ALDH7A1: variants seen among roughly 807,000 people sequenced by gnomAD.
The protein encoded by ALDH7A1 is aldehyde dehydrogenase 7 family member A1, also known as alpha-aminoadipic semialdehyde dehydrogenase.
A neutral mutation model predicts 79.9 loss-of-function variants in ALDH7A1; 63 were observed. The ratio of observed to expected loss-of-function variants is 0.79; its 90% CI spans 0.64 to 0.97. The LOEUF (loss-of-function observed/expected upper bound fraction) is 0.97. Among genes scored for constraint, ALDH7A1 ranks in the 50% least tolerant of loss-of-function variants. The probability of loss-of-function intolerance (pLI) is 0.00; values close to 1 mark genes in which losing one functional copy is unlikely to be tolerated. For missense variants in ALDH7A1, 627 were observed against 665.2 expected (o/e 0.94, Z 0.63); for synonymous variants, 240 against 231.2 (o/e 1.04, Z -0.34).
chr5:126,546,452 C>T (rs1581352348), intron 16 of ALDH7A1, 53 bp from the exon 17 acceptor site: 2 of 1,528,900 alleles, frequency 1.3e-6, no homozygotes, highest in Non-Finnish European at 1.8e-6. Flanking sequence ...CATGTGGGCT[C>T]ATAGTTGGTA....
chr5:126,565,190 T>G (rs755397491), intron 9 of ALDH7A1, among the ~76,000 whole-genome samples: 34 of 151,952 alleles, frequency 2.2e-4, no homozygotes, highest in African/African-American at 6.3e-4. Context: ...GTCTGGAGTT[T>G]GAGACCAGCC....
intron 3 of ALDH7A1, chr5:126,587,893 C>A (rs1484164939): frequency 6.6e-6 from 1 of 152,182 alleles, no homozygotes; most frequent in Non-Finnish European, 1.5e-5. Flanking sequence ...CTTCCCTAAA[C>A]CTTGAACTCA....
Position 126,592,654 on chromosome 5 carries a change from C to T in ALDH7A1, c.312+10G>A. 1 of 1,612,674 alleles carries T rather than the reference C, an allele frequency of 6.2e-7. No homozygotes were observed. The highest frequency in any genetic ancestry group is 8.5e-7 in the Non-Finnish European group (1 of 1,178,760). On this transcript the variant is annotated intron_variant, in intron 3 of 17. Transcript: ENST00000409134. ...CTTTTCTGAATTCTAGAAACAAAGG[C>T]CATACTTACATCTGCCCAGATTTTC...
chr5:126,583,534 C>T (rs1176710729), intron 4 of ALDH7A1, among the ~76,000 whole-genome samples: 2 of 149,088 alleles, frequency 1.3e-5, no homozygotes, highest in East Asian at 4.0e-4. Context: ...ATATAAATTA[C>T]TTTTCTTAAA....
chr5:126,549,579 T>C (rs1350675441), intron 16 of ALDH7A1: 10 of 237,518 alleles, frequency 4.2e-5, no homozygotes, highest in Non-Finnish European at 8.2e-5. Flanking sequence ...ACTTTGCAAA[T>C]AAAAACCAGA....
intron 5 of ALDH7A1, among the ~76,000 whole-genome samples, chr5:126,578,020 C>T (rs1054100095): frequency 1.3e-5 from 2 of 150,460 alleles, no homozygotes; most frequent in East Asian, 2.0e-4. Context: ...CGTGGTGGCT[C>T]ACTCCTGTAA....
In ALDH7A1 at chr5:126,552,100, A is replaced by T; in HGVS notation, c.1238T>A (p.Ile413Asn). ...CGCATCGTGGCCAAGACCTGTCACAATTGTCGGTTCTACATAATTTCCAGG... is the reference window on the plus strand; with the variant it reads ...CGCATCGTGGCCAAGACCTGTCACATTTGTCGGTTCTACATAATTTCCAGG... The part of the protein sequence containing the change: ...DRPGNYVEPT[I>N]VTGLGHDASI... Residue 413 changes from isoleucine (I) to asparagine (N), a missense_variant, in exon 14 of 18, where the codon ATT becomes AAT. Transcript: ENST00000409134. The T allele has an allele frequency of 6.2e-7, 1 of 1,614,102 alleles. No homozygotes were observed. The highest frequency in any genetic ancestry group is 8.5e-7 in the Non-Finnish European group (1 of 1,179,996).
intron 16 of ALDH7A1, among the ~76,000 whole-genome samples, chr5:126,547,122 C>T (rs1054420174): frequency 5.3e-5 from 8 of 152,186 alleles, no homozygotes; most frequent in African/African-American, 7.2e-5. Flanking sequence ...GGAACAGAGT[C>T]GCAGAGGCTC....
chr5:126,553,339 A>G (rs936324527), intron 13 of ALDH7A1: 3 of 152,242 alleles, frequency 2.0e-5, no homozygotes, highest in East Asian at 1.9e-4. Context: ...ATCATTGTGC[A>G]TAAGCCATGC....
At chr5:126,590,155 G>A (rs575557227) in intron 3 of ALDH7A1, among the ~76,000 whole-genome samples, 189 of 147,262 alleles carry the variant, frequency 1.3e-3, no homozygotes, top group African/African-American at 3.8e-3. Flanking sequence ...CTGCCCGGCC[G>A]CCACCCTGTC....
At chr5:126,584,107 A>C in intron 3 of ALDH7A1, 95 bp from the exon 4 acceptor site, 4 of 1,076,152 alleles carry the variant, frequency 3.7e-6, no homozygotes, top group Non-Finnish European at 5.7e-6. Context: ...ACAAATTACA[A>C]TCATATCAAA....
chr5:126,561,257 T>A, intron 9 of ALDH7A1, 133 bp from the exon 10 acceptor site: 1 of 663,704 alleles, frequency 1.5e-6, no homozygotes, highest in Non-Finnish European at 2.5e-6. Context: ...ATCCCAATCA[T>A]ATAGCCTATC....
rs766287925 is a variant in ALDH7A1 at position 126,582,989 on chromosome 5, C to T, written c.394-15G>A. On this transcript the variant is annotated splice_polypyrimidine_tract_variant and intron_variant, in intron 4 of 17. Coordinates refer to ENST00000409134, the MANE Select transcript of ALDH7A1 (RefSeq NM_001182.5). ...TCCAAAGACACCTAGAAATATAAAA[C>T]GACAAGCAGAATTTTTCCAACAGAA... The T allele has an allele frequency of 1.1e-5, 18 of 1,613,768 alleles. No individual in the cohort carries two copies. The highest frequency in any genetic ancestry group is 8.3e-5 in the Admixed American group (5 of 59,992).
At chr5:126,549,836 G>T in intron 16 of ALDH7A1, 93 bp downstream of exon 16, 1 of 1,075,680 alleles carries the variant, frequency 9.3e-7, no homozygotes, top group Non-Finnish European at 1.5e-6. Context: ...AATATAAGGA[G>T]TGTTTCAGTC....
chr5:126,549,867 A>C (rs1359847917), intron 16 of ALDH7A1, 62 bp downstream of exon 16: 4 of 1,479,774 alleles, frequency 2.7e-6, no homozygotes, highest in Admixed American at 1.7e-5. Context: ...CCTTTTCTAA[A>C]AGCTACTACT....
chr5:126,564,362 G>A, intron 9 of ALDH7A1: 1 of 377,716 alleles, frequency 2.6e-6, no homozygotes, highest in Non-Finnish European at 4.6e-6. Flanking sequence ...AGCCCAGGCT[G>A]GTCTTGAACT....
intron 8 of ALDH7A1, chr5:126,569,610 G>C (rs1750711098): frequency 6.6e-6 from 1 of 152,154 alleles, no homozygotes; most frequent in African/African-American, 2.4e-5. Context: ...TGCTTAACAT[G>C]CTCCTGTATA....
At chr5:126,556,239 CTTTTT>C (rs35367836) in intron 11 of ALDH7A1, among the ~76,000 whole-genome samples, 1 of 97,930 alleles carries the variant, frequency 1.0e-5, no homozygotes, top group South Asian at 3.7e-4. Flanking sequence ...TAAGCCATGT[CTTTTT>C]TTTTTTTTTT....
rs761034864 is a variant in ALDH7A1 at position 126,577,065 on chromosome 5, T to G, written c.650+14A>C. ...TATCACTCACTACTAAATAGGAAAGTGAGCAGGTCTTACCAGAGGCAGACA... is the reference window on the plus strand; with the variant it reads ...TATCACTCACTACTAAATAGGAAAGGGAGCAGGTCTTACCAGAGGCAGACA... On this transcript the variant is annotated intron_variant, in intron 6 of 17. Coordinates refer to ENST00000409134, the MANE Select transcript of ALDH7A1 (RefSeq NM_001182.5). 30 of 1,613,456 alleles carry G rather than the reference T, an allele frequency of 1.9e-5. No homozygotes were observed. Among genetic ancestry groups the G allele is most frequent in the African/African-American group, 5.3e-5 (4 of 74,888 alleles).
Sources: gnomAD v4.1 joint callset for allele counts (sites outside exome capture counted in the v4.1 genomes callset) on GRCh38, gnomAD v4.1.1 for gene constraint, MANE v1.5 for transcripts, NCBI Gene and HGNC (gene_info 2026-07-23, HGNC 2026-07-21) for gene names.